Variants in SP140 observed in about 807,000 individuals in gnomAD.
The protein encoded by SP140 is nuclear body protein SP140.
In SP140, 81 loss-of-function variants were observed where a neutral mutation model predicts 125.0. The observed-to-expected ratio is 0.65, with a 90% CI of 0.54 to 0.78. The LOEUF (loss-of-function observed/expected upper bound fraction) is 0.78. Ranked by LOEUF, SP140 falls within the 30% of genes least tolerant of loss-of-function variation. The pLI is 0.00. For missense variants in SP140, 858 were observed against 1,037.0 expected (o/e 0.83, Z 2.37); for synonymous variants, 312 against 354.0 (o/e 0.88, Z 1.33).
chr2:230,240,369 GA>G (rs1257721970), intron 3 of SP140, among the ~76,000 whole-genome samples: 1 of 151,928 alleles, frequency 6.6e-6, no homozygotes, highest in East Asian at 1.9e-4. Flanking sequence ...TTAAGAAAAG[GA>G]AAAAACAAGC....
intron 1 of SP140, among the ~76,000 whole-genome samples, chr2:230,231,201 C>A (rs1451818299): frequency 1.3e-5 from 2 of 152,184 alleles, no homozygotes; most frequent in African/African-American, 4.8e-5. Flanking sequence ...TATTAACTAA[C>A]CATAGTTATT....
At chr2:230,215,188 T>C (rs2044968288) in intron 3 of SP140, 1 of 1,294,082 alleles carries the variant, frequency 7.7e-7, no homozygotes. Context: ...ATTTATGGTT[T>C]TCTAAGTTTT....
At chr2:230,280,233 AT>A (rs199771193) in intron 15 of SP140, among the ~76,000 whole-genome samples, 2,230 of 152,166 alleles carry the variant, frequency 0.015, 36 homozygotes, top group African/African-American at 0.051. Context: ...TTTTTAATGG[AT>A]GTTTTTCTTT....
intron 12 of SP140, among the ~76,000 whole-genome samples, chr2:230,257,121 C>G (rs1575056403): frequency 6.6e-6 from 1 of 152,178 alleles, no homozygotes; most frequent in African/African-American, 2.4e-5. Context: ...GTCTCATAGT[C>G]TGAGTCCAAT....
chr2:230,197,568 T>C, the SP140 span, among the ~76,000 whole-genome samples: 2 of 149,018 alleles, frequency 1.3e-5, no homozygotes, highest in Non-Finnish European at 3.0e-5. Context: ...TTTGTCAATT[T>C]TGTCTTTTGT....
the SP140 span, among the ~76,000 whole-genome samples, chr2:230,192,658 A>G: frequency 6.6e-6 from 1 of 152,236 alleles, no homozygotes; most frequent in Non-Finnish European, 1.5e-5. Flanking sequence ...AAAACATTCC[A>G]TCTTCATGGA....
At chr2:230,241,711 T>C (rs1019415474) in intron 4 of SP140, among the ~76,000 whole-genome samples, 1 of 152,050 alleles carries the variant, frequency 6.6e-6, no homozygotes, top group Non-Finnish European at 1.5e-5. Flanking sequence ...TGGTGGAGAA[T>C]ATAAGAAGAG....
upstream of SP140, among the ~76,000 whole-genome samples, chr2:230,199,353 C>T (rs905935782): frequency 4.6e-5 from 7 of 151,040 alleles, no homozygotes; most frequent in Non-Finnish European, 8.9e-5. Context: ...GGATTACAGG[C>T]GCCCACCACC....
chr2:230,216,487 C>T (rs1026401029), intron 3 of SP140, among the ~76,000 whole-genome samples: 2 of 152,240 alleles, frequency 1.3e-5, no homozygotes, highest in African/African-American at 4.8e-5. Context: ...GGAACCAACC[C>T]TGTCAACACC....
chr2:230,307,982 T>C lies in SP140; in HGVS notation c.2059-1942T>C, dbSNP rs888797417. Among the ~76,000 whole-genome samples, 15 of 93,616 alleles carry C rather than the reference T, an allele frequency of 1.6e-4. 1 individual carries two copies. In the South Asian group the frequency reaches 1.9e-3, roughly 12 times the overall value. 61.4% of individuals were successfully genotyped at this position (93,616 alleles called of 152,430 possible). A position where few individuals can be genotyped will look rare whatever the true frequency, so the allele number is the denominator to read the frequency against. On this transcript the variant is annotated intron_variant, in intron 22 of 26. Coordinates refer to ENST00000392045, the MANE Select transcript of SP140 (RefSeq NM_007237.5). The stretch of plus-strand genomic sequence containing the variant: ...ATATATATATATATATATATATATA[T>C]ATATATATACACACACACACACACA...
chr2:230,227,973 T>G, intron 1 of SP140, among the ~76,000 whole-genome samples: 1 of 152,174 alleles, frequency 6.6e-6, no homozygotes. Context: ...GCTCCTTTTT[T>G]CTCTAGTTTC....
At chr2:230,272,304 A>T (rs2054046593) in intron 15 of SP140, among the ~76,000 whole-genome samples, 2 of 152,272 alleles carry the variant, frequency 1.3e-5, no homozygotes, top group Admixed American at 1.3e-4. Context: ...CATGCTACCC[A>T]ATTTCAAGCC....
chr2:230,193,029 G>T, the SP140 span, among the ~76,000 whole-genome samples: 1 of 152,116 alleles, frequency 6.6e-6, no homozygotes, highest in African/African-American at 2.4e-5. Flanking sequence ...GAATCTGGGA[G>T]CTCCAGTGTT....
chr2:230,288,524 T>TCTTTCTTTCTTTC (rs1575230859), intron 18 of SP140, among the ~76,000 whole-genome samples: 3 of 139,560 alleles, frequency 2.1e-5, no homozygotes, highest in Non-Finnish European at 4.7e-5. Flanking sequence ...TTTCTTTCTT[T>TCTTTCTTTCTTTC]TTTTATTCTT....
At chr2:230,247,805 T>C in intron 7 of SP140, 111 bp from the exon 8 acceptor site, 1 of 1,062,754 alleles carries the variant, frequency 9.4e-7, no homozygotes, top group South Asian at 1.6e-5. Flanking sequence ...GGCTTAGCCC[T>C]GTGCTTGAAA....
intron 3 of SP140, chr2:230,214,921 T>C (rs201481061): frequency 7.2e-5 from 115 of 1,605,416 alleles, no homozygotes; most frequent in Non-Finnish European, 9.0e-5. Flanking sequence ...ACTTTTTAAA[T>C]GCAAAAAGCA....
At chr2:230,224,870 C>A (rs1312177253), upstream of SP140, among the ~76,000 whole-genome samples, 1 of 152,190 alleles carries the variant, frequency 6.6e-6, no homozygotes, top group Non-Finnish European at 1.5e-5. Flanking sequence ...GCCTGGATTT[C>A]TAGTCCTGTG....
intron 22 of SP140, among the ~76,000 whole-genome samples, chr2:230,299,961 G>A (rs2058135237): frequency 6.6e-6 from 1 of 152,080 alleles, no homozygotes; most frequent in South Asian, 2.1e-4. Context: ...AGCAAGCCCT[G>A]TCTGAGAATC....
the SP140 span, among the ~76,000 whole-genome samples, chr2:230,193,665 G>A: frequency 7.9e-5 from 12 of 152,294 alleles, no homozygotes; most frequent in East Asian, 2.3e-3. Context: ...TTCTGTTTAA[G>A]GAGACTAAAG....
Sources: gnomAD v4.1 joint callset for allele counts (sites outside exome capture counted in the v4.1 genomes callset) on GRCh38, gnomAD v4.1.1 for gene constraint, MANE v1.5 for transcripts, NCBI Gene and HGNC (gene_info 2026-07-23, HGNC 2026-07-21) for gene names.